The following UIMC1 variants were observed in gnomAD, a reference collection of about 807,000 sequenced individuals.
UIMC1 encodes BRCA1-A complex subunit RAP80.
In UIMC1, 42 loss-of-function variants were observed where a neutral mutation model predicts 84.9. That is an observed-to-expected ratio of 0.49 (90% CI 0.39 to 0.64). The LOEUF is 0.64. UIMC1 is among the 30% of genes least tolerant of loss of function. The pLI, the probability that UIMC1 is intolerant of heterozygous loss-of-function variation, is 0.00. For missense variants in UIMC1, 825 were observed against 847.6 expected (o/e 0.97, Z 0.33); for synonymous variants, 281 against 293.0 (o/e 0.96, Z 0.42).
intron 2 of UIMC1, chr5:176,980,229 T>A (rs886875369): frequency 1.9e-4 from 29 of 152,312 alleles, no homozygotes; most frequent in African/African-American, 6.3e-4. Context: ...CATAATTGAA[T>A]GAGCCAATTC....
At chr5:176,982,361 T>G in intron 2 of UIMC1, 108 bp downstream of exon 2, 1 of 1,309,548 alleles carries the variant, frequency 7.6e-7, no homozygotes, top group Non-Finnish European at 1.0e-6. Flanking sequence ...ATTTCATGGT[T>G]TTGGTGAGCT....
At chr5:176,923,358 A>G (rs1761936344) in intron 10 of UIMC1, among the ~76,000 whole-genome samples, 1 of 152,196 alleles carries the variant, frequency 6.6e-6, no homozygotes, top group Admixed American at 6.5e-5. Flanking sequence ...GACTAGAACC[A>G]TATCCAGTAG....
intron 1 of UIMC1, among the ~76,000 whole-genome samples, chr5:177,020,544 C>T (rs957716788): frequency 1.3e-5 from 2 of 152,212 alleles, no homozygotes; most frequent in Admixed American, 1.3e-4. Context: ...CATTCTCCTG[C>T]CTCAGCCTCC....
chr5:177,007,981 A>C (rs7726380), upstream of UIMC1, among the ~76,000 whole-genome samples: 40,587 of 151,678 alleles, frequency 0.27, 5,455 homozygotes, highest in Middle Eastern at 0.35. Flanking sequence ...GGTACATGCC[A>C]GTAATCCCAG....
intron 1 of UIMC1, among the ~76,000 whole-genome samples, chr5:177,001,818 C>T (rs1185822896): frequency 6.6e-6 from 1 of 150,914 alleles, no homozygotes; most frequent in African/African-American, 2.4e-5. Flanking sequence ...GGCGAGGTAG[C>T]AGGCGCCTGC....
At chr5:176,911,797 T>C (rs1224454023) in intron 10 of UIMC1, among the ~76,000 whole-genome samples, 2 of 152,148 alleles carry the variant, frequency 1.3e-5, no homozygotes, top group African/African-American at 2.4e-5. Flanking sequence ...TCCGAGTGCC[T>C]ACATGAGCTC....
intron 10 of UIMC1, among the ~76,000 whole-genome samples, chr5:176,913,291 T>G (rs1760504857): frequency 6.6e-6 from 1 of 152,186 alleles, no homozygotes; most frequent in Non-Finnish European, 1.5e-5. Context: ...ATTGGTATTA[T>G]TACTTTTCCC....
At position 176,905,372 on chromosome 5, in the gene UIMC1, A is replaced by G. The variant is rs1759215349; in HGVS notation, c.2070T>C (p.Asp690=). The G allele has an allele frequency of 6.2e-7, 1 of 1,614,030 alleles. No individual in the cohort carries two copies. The highest frequency in any genetic ancestry group is 1.3e-5 in the African/African-American group (1 of 74,906). Residue 690 remains aspartate, a synonymous_variant, in exon 15 of 15, where the codon GAT becomes GAC. Transcript: ENST00000511320. ...KSFVSISEAT[D]CLVDFKKQVT... ...CTTGCTTTTTAAAGTCCACTAAGCA[A>G]TCTGTGGCTTCTGAAATGGAAACAA...
intron 11 of UIMC1, among the ~76,000 whole-genome samples, 165 bp from the exon 12 acceptor site, chr5:176,908,859 C>A (rs951373133): frequency 6.6e-6 from 1 of 152,216 alleles, no homozygotes; most frequent in South Asian, 2.1e-4. Context: ...TAAAACTAAT[C>A]CAACGCCAAT....
intron 9 of UIMC1, among the ~76,000 whole-genome samples, chr5:176,947,893 G>C (rs1344432269): frequency 6.6e-6 from 1 of 151,152 alleles, no homozygotes; most frequent in African/African-American, 2.4e-5. Context: ...CTTAAAGGTT[G>C]TTGGTCCTTA....
chr5:176,931,547 T>C (rs139743605), intron 10 of UIMC1, among the ~76,000 whole-genome samples: 1,633 of 152,190 alleles, frequency 0.011, 10 homozygotes, highest in South Asian at 0.025. Flanking sequence ...AGATGGGAAG[T>C]GTAAAAGCAC....
rs554429217 is a variant in UIMC1 at position 176,932,522 on chromosome 5, T to C, written c.1597+10813A>G. ...AGACAGATATAGATAGATAGACAGATAGACAGACAGACAGACAGACAGACA... is the reference window on the plus strand; with the variant it reads ...AGACAGATATAGATAGATAGACAGACAGACAGACAGACAGACAGACAGACA... On this transcript the variant is annotated intron_variant, in intron 10 of 14. Coordinates refer to ENST00000511320, the MANE Select transcript of UIMC1 (RefSeq NM_001199298.2). Among the ~76,000 whole-genome samples, 342 of 151,882 alleles carry C rather than the reference T, an allele frequency of 2.3e-3. 1 individual carries two copies. Among genetic ancestry groups the C allele is most frequent in the East Asian group, 0.011 (55 of 5,134 alleles).
chr5:177,008,098 CTG>C (rs1435951024), upstream of UIMC1, among the ~76,000 whole-genome samples: 1 of 148,052 alleles, frequency 6.8e-6, no homozygotes, highest in East Asian at 2.0e-4. Context: ...GAGTGAGACT[CTG>C]TCTCAAAAAA....
At chr5:176,980,775 T>C (rs1226732087) in intron 2 of UIMC1, among the ~76,000 whole-genome samples, 1 of 152,226 alleles carries the variant, frequency 6.6e-6, no homozygotes, top group Non-Finnish European at 1.5e-5. Context: ...CTGTTTTAGA[T>C]GGAGTGCAGT....
chr5:176,929,123 C>T (rs1211264641), intron 10 of UIMC1, among the ~76,000 whole-genome samples: 2 of 146,962 alleles, frequency 1.4e-5, no homozygotes, highest in Non-Finnish European at 3.0e-5. Context: ...GGGGTGGTGG[C>T]GCGCACTTGT....
intron 10 of UIMC1, 60 bp downstream of exon 10, chr5:176,943,274 AT>A: frequency 1.9e-5 from 30 of 1,586,290 alleles, no homozygotes; most frequent in Non-Finnish European, 2.3e-5. Context: ...ATTGTAATGT[AT>A]AGGATTATAA....
At chr5:176,966,473 A>C (rs921121461) in intron 6 of UIMC1, among the ~76,000 whole-genome samples, 1 of 152,240 alleles carries the variant, frequency 6.6e-6, no homozygotes, top group African/African-American at 2.4e-5. Flanking sequence ...TAACACAAGA[A>C]AGACAGAATA....
chr5:176,976,079 G>T (rs572721133), intron 2 of UIMC1, among the ~76,000 whole-genome samples: 1 of 152,038 alleles, frequency 6.6e-6, no homozygotes, highest in Non-Finnish European at 1.5e-5. Flanking sequence ...TGGGAGAATC[G>T]CTTGAGGCCA....
At chr5:176,935,241 T>C (rs776537978) in intron 10 of UIMC1, among the ~76,000 whole-genome samples, 1 of 152,206 alleles carries the variant, frequency 6.6e-6, no homozygotes, top group Non-Finnish European at 1.5e-5. Flanking sequence ...GCCCACACTA[T>C]AACTACACTG....
Sources: gnomAD v4.1 joint callset for allele counts (sites outside exome capture counted in the v4.1 genomes callset) on GRCh38, gnomAD v4.1.1 for gene constraint, MANE v1.5 for transcripts, NCBI Gene and HGNC (gene_info 2026-07-23, HGNC 2026-07-21) for gene names.